The following FMNL2 variants were observed in gnomAD, a reference collection of about 807,000 sequenced individuals.
FMNL2 encodes the protein formin-like protein 2.
A neutral mutation model predicts 130.2 loss-of-function variants in FMNL2; 51 were observed. The ratio of observed to expected loss-of-function variants is 0.39; its 90% CI spans 0.31 to 0.49. FMNL2 has a LOEUF of 0.49. Ranked by LOEUF, FMNL2 falls within the 20% of genes least tolerant of loss-of-function variation. FMNL2 has a pLI of 0.85. For synonymous variants in FMNL2, 465 were observed against 467.1 expected (o/e 1.00, Z 0.06); for missense variants, 977 against 1,316.2 (o/e 0.74, Z 3.99).
chr2:152,355,829 C>G (rs1463195852), intron 1 of FMNL2, among the ~76,000 whole-genome samples: 1 of 152,178 alleles, frequency 6.6e-6, no homozygotes, highest in Non-Finnish European at 1.5e-5. Context: ...AGTGGTAGTT[C>G]TAATGGACAT....
chr2:152,361,089 A>C (rs954696419), intron 1 of FMNL2, among the ~76,000 whole-genome samples: 5 of 152,204 alleles, frequency 3.3e-5, no homozygotes, highest in African/African-American at 1.2e-4. Context: ...TAGCAGGCAT[A>C]CTAATATATT....
intron 1 of FMNL2, among the ~76,000 whole-genome samples, chr2:152,394,876 A>T (rs925939039): frequency 6.6e-6 from 1 of 152,178 alleles, no homozygotes; most frequent in African/African-American, 2.4e-5. Flanking sequence ...ATTTGAGGAT[A>T]AGCAAAACCC....
chr2:152,645,197 T>TA (rs1683446146), intron 25 of FMNL2, among the ~76,000 whole-genome samples: 1 of 152,166 alleles, frequency 6.6e-6, no homozygotes, highest in Non-Finnish European at 1.5e-5. Flanking sequence ...GGACTATATC[T>TA]ATCTTTCTGG....
In FMNL2 at chr2:152,390,534, A is replaced by C. The variant is rs932557323; in HGVS notation, c.117+54814A>C. ...GATGTATGACCAGAGACAGAAGTCCATGGGGCTGCCAATCTCAGACGAACA... is the reference window on the plus strand; with the variant it reads ...GATGTATGACCAGAGACAGAAGTCCCTGGGGCTGCCAATCTCAGACGAACA... On this transcript the variant is annotated intron_variant, in intron 1 of 25. Transcript: ENST00000288670. 15 of 1,538,720 alleles carry C rather than the reference A, an allele frequency of 9.7e-6. No individual in the cohort carries two copies. The South Asian group carries it at 1.7e-4, about 17-fold the overall frequency.
At chr2:152,645,996 T>C (rs886594454) in intron 25 of FMNL2, among the ~76,000 whole-genome samples, 2 of 151,890 alleles carry the variant, frequency 1.3e-5, no homozygotes, top group African/African-American at 4.8e-5. Flanking sequence ...CTTGAGAGGA[T>C]TGGGGTATGC....
chr2:152,406,036 A>G (rs1277161920), intron 1 of FMNL2, among the ~76,000 whole-genome samples: 2 of 152,168 alleles, frequency 1.3e-5, no homozygotes, highest in Non-Finnish European at 2.9e-5. Context: ...ATTTTGGGCA[A>G]GGTATATATA....
intron 1 of FMNL2, among the ~76,000 whole-genome samples, chr2:152,482,355 T>C (rs1000914893): frequency 6.6e-6 from 1 of 152,340 alleles, no homozygotes; most frequent in African/African-American, 2.4e-5. Flanking sequence ...ATATACTGCA[T>C]GGATTCCTTT....
chr2:152,542,429 C>T (rs1346094519), intron 2 of FMNL2, among the ~76,000 whole-genome samples: 17 of 152,248 alleles, frequency 1.1e-4, no homozygotes, highest in Non-Finnish European at 2.5e-4. Flanking sequence ...ATGGAAGCTG[C>T]AGGGCCCTAC....
intron 8 of FMNL2, among the ~76,000 whole-genome samples, chr2:152,580,438 A>G (rs551016124): frequency 6.6e-6 from 1 of 152,358 alleles, no homozygotes; most frequent in Non-Finnish European, 1.5e-5. Flanking sequence ...GGAAGAAGAA[A>G]GGACAGAAAC....
intron 1 of FMNL2, among the ~76,000 whole-genome samples, chr2:152,386,462 T>C (rs1254979398): frequency 1.3e-5 from 2 of 152,216 alleles, no homozygotes; most frequent in African/African-American, 4.8e-5. Context: ...TTTAAATACC[T>C]CTTCACTTGG....
rs6759858 is a variant in FMNL2, at chr2:152,451,319, T to G, written c.118-70624T>G. ...GTGTGCCACTATGCCCGGCTAATTT[T>G]TTGTATCTTTAGTAGATACGGGGTT... On this transcript the variant is annotated intron_variant, in intron 1 of 25. Coordinates refer to ENST00000288670, the MANE Select transcript of FMNL2 (RefSeq NM_052905.4). Among the ~76,000 whole-genome samples, 717 of 152,182 alleles carry G rather than the reference T, an allele frequency of 4.7e-3. 6 individuals carry two copies. Among genetic ancestry groups the G allele is most frequent in the African/African-American group, 0.017 (686 of 41,540 alleles).
intron 1 of FMNL2, among the ~76,000 whole-genome samples, chr2:152,436,826 A>C (rs1264492942): frequency 6.6e-6 from 1 of 152,170 alleles, no homozygotes; most frequent in African/African-American, 2.4e-5. Context: ...TGAAGGGGGA[A>C]GTGGGAATTT....
At chr2:152,488,657 C>T (rs1270921989) in intron 1 of FMNL2, among the ~76,000 whole-genome samples, 1 of 152,098 alleles carries the variant, frequency 6.6e-6, no homozygotes, top group Non-Finnish European at 1.5e-5. Context: ...CACACACACA[C>T]ATATATATTT....
intron 1 of FMNL2, among the ~76,000 whole-genome samples, chr2:152,459,373 C>G (rs1313453108): frequency 2.0e-5 from 3 of 152,146 alleles, no homozygotes; most frequent in Admixed American, 6.5e-5. Flanking sequence ...GCAATGGAGC[C>G]TTTGTTATTT....
chr2:152,390,347 G>A, intron 1 of FMNL2: 1 of 1,134,204 alleles, frequency 8.8e-7, no homozygotes, highest in Non-Finnish European at 1.3e-6. Context: ...GGCTCATTGA[G>A]GATGGCAAGG....
chr2:152,621,192 T>C, intron 15 of FMNL2: 1 of 938,814 alleles, frequency 1.1e-6, no homozygotes, highest in Non-Finnish European at 1.3e-6. Context: ...GTGAGATGTG[T>C]CTGCTGTGGT....
Position 152,619,581 on chromosome 2 carries a change from C to T in FMNL2, c.1700C>T (p.Pro567Leu), listed in dbSNP as rs578243842. ...CCTCCTCCACCTCCTCCTCCCCCAC[C>T]GCCCCCTCCGCCTCCTCCTCTCCCA... is the stretch of plus-strand genomic sequence containing the variant. ...PPPPPPPPPP[P>L]PPPPPPLPGP... is the part of the protein sequence containing the mutation. Residue 567 changes from proline (P) to leucine (L), a missense_variant, in exon 15 of 26, where the codon CCG becomes CTG. By Grantham distance (98) the Pro-to-Leu change is moderately conservative. Coordinates refer to ENST00000288670, the MANE Select transcript of FMNL2 (RefSeq NM_052905.4). The T allele has an allele frequency of 8.3e-5, 127 of 1,539,034 alleles. 1 individual carries two copies. In the South Asian group the frequency reaches 9.5e-4, roughly 11 times the overall value.
At position 152,619,017 on chromosome 2, in the gene FMNL2, G is replaced by C; in HGVS notation, c.1486G>C (p.Val496Leu). 1 of 1,614,066 alleles carries C rather than the reference G, an allele frequency of 6.2e-7. No individual in the cohort carries two copies. The highest frequency in any genetic ancestry group is 8.5e-7 in the Non-Finnish European group (1 of 1,179,902). ...KGDGDIAILP[V>L]VASGTLSMGS... Reference sequence around the variant, plus strand: ...GGATGGGGATATCGCCATACTGCCAGTTGTGGCTTCTGGCACATTGTCCAT... The same window carrying C: ...GGATGGGGATATCGCCATACTGCCACTTGTGGCTTCTGGCACATTGTCCAT... Residue 496 changes from valine (V) to leucine (L), a missense_variant, in exon 14 of 26, where the codon GTT becomes CTT. Transcript: ENST00000288670.
intron 16 of FMNL2, among the ~76,000 whole-genome samples, chr2:152,626,278 C>A (rs1258475778): frequency 6.6e-6 from 1 of 152,174 alleles, no homozygotes; most frequent in East Asian, 1.9e-4. Context: ...CTTAAGTGAT[C>A]CACCCGCCTT....
Sources: allele counts gnomAD v4.1 joint callset (sites outside exome capture counted in the v4.1 genomes callset), GRCh38; gene constraint gnomAD v4.1.1; transcripts MANE v1.5; gene names NCBI Gene and HGNC (gene_info 2026-07-23, HGNC 2026-07-21).